The following ADAMTS7 variants were observed in gnomAD, a reference collection of about 807,000 sequenced individuals.
The protein encoded by ADAMTS7 is A disintegrin and metalloproteinase with thrombospondin motifs 7.
Under a neutral mutation model 172.6 loss-of-function variants are expected in ADAMTS7, and 89 were observed. The ratio of observed to expected loss-of-function variants is 0.52; its 90% CI spans 0.43 to 0.61. ADAMTS7 has a LOEUF of 0.61. Ranked by LOEUF, ADAMTS7 falls within the 20% of genes least tolerant of loss-of-function variation. ADAMTS7 has a pLI of 0.00. For missense variants in ADAMTS7, 1,973 were observed against 2,355.6 expected (o/e 0.84, Z 3.36); for synonymous variants, 885 against 978.4 (o/e 0.90, Z 1.78).
chr15:78,794,831 C>T (rs995577341), intron 4 of ADAMTS7, among the ~76,000 whole-genome samples: 6 of 152,196 alleles, frequency 3.9e-5, no homozygotes, highest in African/African-American at 1.4e-4. Context: ...AATCCTCCCA[C>T]CTCAGACTCC....
chr15:78,783,545 T>C (rs1422052817), intron 8 of ADAMTS7, among the ~76,000 whole-genome samples: 1 of 152,264 alleles, frequency 6.6e-6, no homozygotes, highest in Admixed American at 6.5e-5. Flanking sequence ...CCCAAAGTGC[T>C]GGGATTACAG....
chr15:78,771,784 C>G lies in ADAMTS7; in HGVS notation c.2177G>C (p.Arg726Pro), dbSNP rs757186279. 2 of 1,612,486 alleles carry G rather than the reference C, an allele frequency of 1.2e-6. No individual in the cohort carries two copies. The highest frequency in any genetic ancestry group is 8.5e-7 in the Non-Finnish European group (1 of 1,180,004). ...GLIPAGAREI[R>P]IQEVAEAANF... The stretch of plus-strand genomic sequence containing the variant: ...GGCAGCCTCGGCAACCTCTTGGATG[C>G]GGATCTCGCGTGCGCCCGCTGGGAT... Residue 726 changes from arginine to proline, a missense_variant, in exon 15 of 24, where the codon CGC becomes CCC. By Grantham distance (103) the Arg-to-Pro change is moderately radical. Coordinates refer to ENST00000388820, the MANE Select transcript of ADAMTS7 (RefSeq NM_014272.5). The surrounding 1 kb of genome is among the most constrained non-coding windows in gnomAD (Gnocchi z 4.9).
intron 8 of ADAMTS7, among the ~76,000 whole-genome samples, chr15:78,779,272 G>A (rs1334241225): frequency 1.3e-5 from 2 of 152,208 alleles, no homozygotes; most frequent in Non-Finnish European, 2.9e-5. Flanking sequence ...GGCTGGTCCA[G>A]GGTGCTGGGG....
chr15:78,806,333 G>A (rs2055797704), intron 1 of ADAMTS7, among the ~76,000 whole-genome samples: 1 of 152,050 alleles, frequency 6.6e-6, no homozygotes, highest in Non-Finnish European at 1.5e-5. Flanking sequence ...GACAAGAAGG[G>A]CCTCATGGTG....
chr15:78,808,347 A>G (rs957459961), intron 1 of ADAMTS7, among the ~76,000 whole-genome samples: 8 of 151,952 alleles, frequency 5.3e-5, no homozygotes, highest in Non-Finnish European at 1.2e-4. Context: ...AGCAATTCTC[A>G]TGCCTCAGCC....
chr15:78,787,851 C>T, intron 8 of ADAMTS7, among the ~76,000 whole-genome samples: 1 of 152,180 alleles, frequency 6.6e-6, no homozygotes, highest in Non-Finnish European at 1.5e-5. Flanking sequence ...TAGCCTTGCT[C>T]AGGGTTCCGC....
intron 2 of ADAMTS7, among the ~76,000 whole-genome samples, chr15:78,798,771 T>C (rs1356691732): frequency 2.0e-5 from 3 of 152,144 alleles, no homozygotes; most frequent in African/African-American, 4.8e-5. Context: ...TGATGCCCAC[T>C]ACCTCCTGAG....
chr15:78,763,420 T>TCC (rs1206103102), intron 22 of ADAMTS7, among the ~76,000 whole-genome samples: 5 of 152,186 alleles, frequency 3.3e-5, no homozygotes, highest in Non-Finnish European at 7.3e-5. Flanking sequence ...ACACCTGATG[T>TCC]CCCTTCGATC....
intron 1 of ADAMTS7, among the ~76,000 whole-genome samples, chr15:78,801,653 A>T (rs1246082822): frequency 4.6e-5 from 7 of 150,994 alleles, no homozygotes; most frequent in Non-Finnish European, 7.4e-5. Flanking sequence ...AGTGTAGTCT[A>T]GGAAGGCAAG....
In ADAMTS7 at chr15:78,782,601, G is replaced by A. The variant is rs377759932; in HGVS notation, c.1323-5013C>T. Among the ~76,000 whole-genome samples the A allele has an allele frequency of 6.8e-3, 1,025 of 150,052 alleles. 1 individual carries two copies. Among genetic ancestry groups the A allele is most frequent in the African/African-American group, 0.024 (939 of 39,652 alleles). ...CATAAATCCATAAGGGGTGATGATGGGTAATGAAGGATGTCAACAAGATTC... is the reference window on the plus strand; with the variant it reads ...CATAAATCCATAAGGGGTGATGATGAGTAATGAAGGATGTCAACAAGATTC... On this transcript the variant is annotated intron_variant, in intron 8 of 23. Coordinates refer to ENST00000388820, the MANE Select transcript of ADAMTS7 (RefSeq NM_014272.5).
intron 8 of ADAMTS7, among the ~76,000 whole-genome samples, chr15:78,780,663 A>C (rs1169189331): frequency 6.6e-6 from 1 of 152,062 alleles, no homozygotes; most frequent in East Asian, 1.9e-4. Flanking sequence ...AAGCTCCAGA[A>C]GCTACCCTCC....
At chr15:78,782,735 G>A (rs535604609) in intron 8 of ADAMTS7, among the ~76,000 whole-genome samples, 42 of 152,190 alleles carry the variant, frequency 2.8e-4, no homozygotes, top group Admixed American at 8.5e-4. Context: ...AGCCCGGAAA[G>A]GCTCAGGAAT....
At chr15:78,763,901 C>T (rs199657348) in intron 21 of ADAMTS7, 25 bp downstream of exon 21, 2 of 1,560,762 alleles carry the variant, frequency 1.3e-6, no homozygotes, top group African/African-American at 2.7e-5. Context: ...CGTCCCCTCC[C>T]CCCAACTCAA....
At position 78,800,518 on chromosome 15, in the gene ADAMTS7, C is replaced by A; in HGVS notation, c.130G>T (p.Asp44Tyr). 6.2e-7 allele frequency: 1 copy of A among 1,603,776 alleles called. No homozygotes were observed. The highest frequency in any genetic ancestry group is 8.5e-7 in the Non-Finnish European group (1 of 1,175,782). The change falls in exon 2 of 24, where the codon GAC (aspartate) becomes TAC (tyrosine). Residue 44 changes from aspartate (D) to tyrosine (Y), a missense_variant. By Grantham distance (160) the Asp-to-Tyr change is radical. Around this residue, in one of 8 missense-constraint regions of ADAMTS7, gnomAD observed 306 missense variants for 288.0 expected, o/e 1.06. Transcript: ENST00000388820. ...GRATEGRAAL[D>Y]IVHPVRVDAG... ...TCGACTCGAACCGGGTGCACGATGT[C>A]CAGTGCCGCCCGGCCCTCGGTTGCA...
Position 78,765,817 on chromosome 15 carries a change from GGGCTGAGGGACTCA to G in ADAMTS7, c.4080_4093del (p.Glu1361Ter). 6 of 1,590,638 alleles carry G rather than the reference GGGCTGAGGGACTCA, an allele frequency of 3.8e-6. No homozygotes were observed. Among genetic ancestry groups the G allele is most frequent in the Non-Finnish European group, 4.3e-6 (5 of 1,169,884 alleles). On this transcript the variant is annotated frameshift_variant, in exon 19 of 24. Coordinates refer to ENST00000388820, the MANE Select transcript of ADAMTS7 (RefSeq NM_014272.5). LOFTEE classifies it high-confidence loss of function. ...CAGCCTAGAGCTCAGGGGCACCTCA[GGGCTGAGGGACTCA>G]GGCTGACCCTTGGGTCCTGGGTTCA...
At chr15:78,764,485 A>G in intron 20 of ADAMTS7, 70 bp downstream of exon 20, 1 of 1,489,380 alleles carries the variant, frequency 6.7e-7, no homozygotes, top group Non-Finnish European at 8.9e-7. Flanking sequence ...CTCTCAGAAC[A>G]CAGGCCGTGG....
rs760631615 is a variant in ADAMTS7, at chr15:78,800,458, G to A, written c.190C>T (p.Pro64Ser). Residue 64 changes from proline (P) to serine (S), a missense_variant, in exon 2 of 24, where the codon CCC becomes TCC. By Grantham distance (74) the Pro-to-Ser change is moderately conservative. Transcript: ENST00000388820. ...ACATCCCGCTTGCGCAGTGCGCGGG[G>A]CCACAGCTCGTAGGACAGGAAGGAG... The part of the protein sequence containing the change: ...GGSFLSYELW[P>S]RALRKRDVSV... 5 of 1,610,666 alleles carry A rather than the reference G, an allele frequency of 3.1e-6. No homozygotes were observed. Among genetic ancestry groups the A allele is most frequent in the South Asian group, 2.2e-5 (2 of 90,640 alleles).
At chr15:78,806,078 TC>T (rs138221023) in intron 1 of ADAMTS7, among the ~76,000 whole-genome samples, 57,982 of 88,658 alleles carry the variant, frequency 0.65, 20,756 homozygotes, top group Middle Eastern at 0.84. Flanking sequence ...AGACTCTGAC[TC>T]CCCCCCCCAA....
At chr15:78,798,171 C>T in intron 2 of ADAMTS7, 58 bp from the exon 3 acceptor site, 1 of 1,482,868 alleles carries the variant, frequency 6.7e-7, no homozygotes, top group Middle Eastern at 2.4e-4. Context: ...GCTCTTCTTG[C>T]ACGTCCCAGA....
Sources: gnomAD v4.1 joint callset for allele counts (sites outside exome capture counted in the v4.1 genomes callset) on GRCh38, gnomAD v4.1.1 for gene constraint, gnomAD v4.1.1 regional missense constraint, Gnocchi (gnomAD v3.1) non-coding constraint, MANE v1.5 for transcripts, NCBI Gene and HGNC (gene_info 2026-07-23, HGNC 2026-07-21) for gene names.